The following DNAH12 variants were observed in gnomAD, a reference collection of about 807,000 sequenced individuals.
DNAH12 encodes the protein axonemal beta dynein heavy chain 12.
A neutral mutation model predicts 371.5 loss-of-function variants in DNAH12; 285 were observed. The observed-to-expected ratio is 0.77, with a 90% CI of 0.70 to 0.85. DNAH12 has a LOEUF of 0.85. DNAH12 is among the 40% of genes least tolerant of loss of function. DNAH12 has a pLI of 0.00. For missense variants in DNAH12, 3,611 were observed against 3,689.4 expected, an observed-to-expected ratio of 0.98 and a Z score of 0.55; for synonymous variants, 1,200 against 1,213.0, an observed-to-expected ratio of 0.99 and a Z score of 0.22.
intron 34 of DNAH12, among the ~76,000 whole-genome samples, chr3:57,427,292 A>C (rs2064808054): frequency 2.0e-5 from 3 of 152,094 alleles, no homozygotes; most frequent in Admixed American, 2.0e-4. Flanking sequence ...CAATTAAGTT[A>C]AAAATCTCAG....
At chr3:57,508,200 C>CAAAAAAAAAAAAAAAAAAAA (rs11288020) in intron 7 of DNAH12, among the ~76,000 whole-genome samples, 182 bp downstream of exon 7, 1 of 129,174 alleles carries the variant, frequency 7.7e-6, no homozygotes. Flanking sequence ...AAAAAAAAAA[C>CAAAAAAAAAAAAAAAAAAAA]AAAAAAAAAA....
At chr3:57,516,053 CTTTTT>C (rs11395278) in intron 4 of DNAH12, among the ~76,000 whole-genome samples, 2 of 71,964 alleles carry the variant, frequency 2.8e-5, no homozygotes, top group Non-Finnish European at 4.8e-5. Context: ...ACTGCTTAGT[CTTTTT>C]TTTTTTTTTT....
intron 2 of DNAH12, among the ~76,000 whole-genome samples, chr3:57,525,423 T>C (rs1318452737): frequency 6.6e-6 from 1 of 152,148 alleles, no homozygotes; most frequent in Non-Finnish European, 1.5e-5. Context: ...TATCAAGCTG[T>C]ACCCATGGTA....
intron 46 of DNAH12, among the ~76,000 whole-genome samples, 173 bp downstream of exon 46, chr3:57,386,911 CAT>C (rs1176454530): frequency 9.8e-5 from 15 of 152,298 alleles, no homozygotes; most frequent in South Asian, 6.2e-4. Context: ...GACTATTTCA[CAT>C]GTTTCATAAG....
chr3:57,527,836 C>T (rs540621779), intron 2 of DNAH12, among the ~76,000 whole-genome samples: 56 of 152,142 alleles, frequency 3.7e-4, no homozygotes, highest in Non-Finnish European at 5.6e-4. Flanking sequence ...TGGGTTGTCT[C>T]ATCATGTTGT....
At chr3:57,299,702 A>T (rs969270174) in intron 70 of DNAH12, among the ~76,000 whole-genome samples, 1 of 151,998 alleles carries the variant, frequency 6.6e-6, no homozygotes, top group Non-Finnish European at 1.5e-5. Context: ...CAGAAGAGAC[A>T]TTTTTCTCTT....
At chr3:57,507,004 G>C (rs2067786710) in intron 8 of DNAH12, among the ~76,000 whole-genome samples, 1 of 151,242 alleles carries the variant, frequency 6.6e-6, no homozygotes, top group Admixed American at 6.6e-5. Flanking sequence ...ATGTGTATTA[G>C]TTACAGCATT....
At chr3:57,302,685 C>T (rs4681728) in intron 69 of DNAH12, among the ~76,000 whole-genome samples, 101,460 of 144,698 alleles carry the variant, frequency 0.7, 36,306 homozygotes, top group East Asian at 0.92. Flanking sequence ...AAGCAATTCT[C>T]CTGCCTCAGC....
At chr3:57,421,415 A>G in intron 36 of DNAH12, 103 bp downstream of exon 36, 1 of 1,100,528 alleles carries the variant, frequency 9.1e-7, no homozygotes, top group Non-Finnish European at 1.3e-6. Flanking sequence ...TAAAAAGCTC[A>G]CCGCAGGAGT....
At chr3:57,391,836 A>G (rs2063629939) in intron 45 of DNAH12, 36 bp downstream of exon 45, 1 of 152,482 alleles carries the variant, frequency 6.6e-6, no homozygotes, top group African/African-American at 2.4e-5. Context: ...CAAAAGAGTT[A>G]GTTGCCTCCC....
the DNAH12 span, among the ~76,000 whole-genome samples, chr3:57,555,756 C>G: frequency 1.3e-5 from 2 of 152,238 alleles, no homozygotes; most frequent in Admixed American, 1.3e-4. Flanking sequence ...TATTGTATAT[C>G]GTTCGTTGTT....
intron 65 of DNAH12, among the ~76,000 whole-genome samples, chr3:57,317,253 AC>A (rs2061706195): frequency 6.6e-6 from 1 of 152,188 alleles, no homozygotes; most frequent in Non-Finnish European, 1.5e-5. Flanking sequence ...CATGAAATCT[AC>A]CATCTTAAAT....
Position 57,352,178 on chromosome 3 carries a change from TG to T in DNAH12, c.9580del (p.His3194ThrfsTer42). 1.3e-6 allele frequency: 2 copies of T among 1,542,282 alleles called. No individual in the cohort carries two copies. Among genetic ancestry groups the T allele is most frequent in the Non-Finnish European group, 1.7e-6 (2 of 1,144,712 alleles). On this transcript the variant is annotated frameshift_variant, in exon 60 of 74. Transcript: ENST00000495027. LOFTEE classifies it high-confidence loss of function. ...ATTACAATATAAGTTGTATGTGAAG[TG>T]GTCATTTAAATATCGTAGGCGCTTT... ...LEKRLRYLND[H>X]FTYNLYCNIC...
chr3:57,427,738 G>A (rs952942658), intron 34 of DNAH12, among the ~76,000 whole-genome samples: 1 of 151,816 alleles, frequency 6.6e-6, no homozygotes, highest in Non-Finnish European at 1.5e-5. Context: ...ATGTGAAGAT[G>A]GAAGAAGTTG....
At chr3:57,329,670 A>T (rs2062043643) in intron 62 of DNAH12, among the ~76,000 whole-genome samples, 1 of 148,476 alleles carries the variant, frequency 6.7e-6, no homozygotes, top group African/African-American at 2.5e-5. Context: ...TTCATGTCTA[A>T]AACACCAAAA....
chr3:57,317,525 C>T (rs991272109), intron 65 of DNAH12, among the ~76,000 whole-genome samples: 1 of 152,054 alleles, frequency 6.6e-6, no homozygotes, highest in Non-Finnish European at 1.5e-5. Flanking sequence ...AAGTTTTATC[C>T]ATGTTGTCAT....
In DNAH12 at chr3:57,386,308, A is replaced by C. The variant is rs1010627944; in HGVS notation, c.7602+133T>G. 33 of 152,368 alleles carry C rather than the reference A, an allele frequency of 2.2e-4. No homozygotes were observed. The South Asian group carries it at 6.8e-3, about 32-fold the overall frequency. The allele number at this position is 152,368 out of a possible 1,614,324, so 9.4% of individuals were successfully genotyped here. On this transcript the variant is annotated intron_variant, in intron 47 of 73. Coordinates refer to ENST00000495027, the MANE Select transcript of DNAH12 (RefSeq NM_001366028.2). ...CCTTATAGAGTTGTTATGAAGAATAACTGAAGGAATAGATGTGAAAGACAT... is the reference window on the plus strand; with the variant it reads ...CCTTATAGAGTTGTTATGAAGAATACCTGAAGGAATAGATGTGAAAGACAT...
At chr3:57,454,744 G>A (rs1159055445) in intron 23 of DNAH12, 31 bp downstream of exon 23, 1 of 1,546,442 alleles carries the variant, frequency 6.5e-7, no homozygotes, top group Admixed American at 2.0e-5. Flanking sequence ...CTGGAATGAA[G>A]GATGTTACTT....
rs1012175998 is a variant in DNAH12, at chr3:57,319,698, T to C, written c.10524+2645A>G. Reference sequence around the variant, plus strand: ...AGGCTCAAGCAATTCTCCTGCCTCTTCCTGAGTAACTGGGATTATAGCCAC... The same window carrying C: ...AGGCTCAAGCAATTCTCCTGCCTCTCCCTGAGTAACTGGGATTATAGCCAC... On this transcript the variant is annotated intron_variant, in intron 65 of 73. Coordinates refer to ENST00000495027, the MANE Select transcript of DNAH12 (RefSeq NM_001366028.2). Among the ~76,000 whole-genome samples the C allele has an allele frequency of 6.6e-4, 101 of 151,942 alleles. 1 individual carries two copies. Among genetic ancestry groups the C allele is most frequent in the African/African-American group, 2.4e-3 (101 of 41,454 alleles).
Sources: gnomAD v4.1 joint callset for allele counts (sites outside exome capture counted in the v4.1 genomes callset) on GRCh38, gnomAD v4.1.1 for gene constraint, MANE v1.5 for transcripts, NCBI Gene and HGNC (gene_info 2026-07-23, HGNC 2026-07-21) for gene names.